The following XKR7 variants were observed in gnomAD, a reference collection of about 807,000 sequenced individuals.
XKR7 encodes the protein XK related 7.
XKR7 carries 11 observed loss-of-function variants against 42.2 expected under a neutral mutation model. That is an observed-to-expected ratio of 0.26 (90% CI 0.16 to 0.43). The LOEUF (loss-of-function observed/expected upper bound fraction) is 0.43, where lower values mean the gene tolerates loss of function less well. XKR7 is among the 20% of genes least tolerant of loss of function. The probability of loss-of-function intolerance (pLI) is 1.00; values close to 1 mark genes in which losing one functional copy is unlikely to be tolerated. For synonymous variants in XKR7, 346 were observed against 366.4 expected (o/e 0.94, Z 0.64); for missense variants, 710 against 802.2 (o/e 0.89, Z 1.39).
rs779042887 is a variant in XKR7, at chr20:31,997,193, TGCA to T, written c.1478_1480del (p.Ala493del). The T allele has an allele frequency of 9.9e-6, 16 of 1,609,938 alleles. No individual in the cohort carries two copies. The highest frequency in any genetic ancestry group is 1.4e-5 in the Non-Finnish European group (16 of 1,179,878). On this transcript the variant is annotated inframe_deletion, in exon 3 of 3. Transcript: ENST00000562532. Reference sequence around the variant, plus strand: ...GGGATGGGGCCTCGGCGGGAGAGCGTGCAGGGACCCCCACCCCACCTGTCTTCC... The same window carrying T: ...GGGATGGGGCCTCGGCGGGAGAGCGTGGGACCCCCACCCCACCTGTCTTCC...
chr20:31,992,391 A>C (rs1421112645), intron 1 of XKR7, among the ~76,000 whole-genome samples: 3 of 152,190 alleles, frequency 2.0e-5, no homozygotes, highest in Non-Finnish European at 4.4e-5. Context: ...ATTTCTGCTT[A>C]TCAGAAGAAA....
intron 2 of XKR7, among the ~76,000 whole-genome samples, chr20:31,996,194 T>G (rs2064590422): frequency 6.9e-6 from 1 of 145,890 alleles, no homozygotes; most frequent in African/African-American, 2.5e-5. Flanking sequence ...TTTCCCACCC[T>G]CCCACCAAGA....
intron 1 of XKR7, among the ~76,000 whole-genome samples, chr20:31,988,195 G>A (rs1429608705): frequency 6.6e-6 from 1 of 152,154 alleles, no homozygotes; most frequent in Non-Finnish European, 1.5e-5. Flanking sequence ...GGAGAGAGAT[G>A]GGGTGATGCA....
In XKR7 at chr20:31,996,761, G is replaced by C. The variant is rs942250888; in HGVS notation, c.1044G>C (p.Thr348=). ...VMTFWVIQGE[T]DFCMSKWEEI... ...CCTTCTGGGTCATCCAAGGGGAGACGGACTTCTGCATGTCCAAGTGGGAGG... is the reference window on the plus strand; with the variant it reads ...CCTTCTGGGTCATCCAAGGGGAGACCGACTTCTGCATGTCCAAGTGGGAGG... Residue 348 remains threonine, a synonymous_variant, in exon 3 of 3, where the codon ACG becomes ACC. Coordinates refer to ENST00000562532, the MANE Select transcript of XKR7 (RefSeq NM_001011718.2). 6.2e-7 allele frequency: 1 copy of C among 1,613,914 alleles called. No individual in the cohort carries two copies. Among genetic ancestry groups the C allele is most frequent in the African/African-American group, 1.3e-5 (1 of 74,890 alleles).
intron 1 of XKR7, among the ~76,000 whole-genome samples, chr20:31,988,949 A>G (rs1240645279): frequency 6.6e-6 from 1 of 152,166 alleles, no homozygotes; most frequent in African/African-American, 2.4e-5. Flanking sequence ...GTGCCTACTC[A>G]ATAATGCATC....
intron 2 of XKR7, among the ~76,000 whole-genome samples, chr20:31,996,285 C>G (rs1170348672): frequency 6.6e-6 from 1 of 151,962 alleles, no homozygotes; most frequent in African/African-American, 2.4e-5. Context: ...TGCTCCCACC[C>G]TACAGAAGTA....
chr20:31,985,204 T>C (rs1373490182), intron 1 of XKR7, among the ~76,000 whole-genome samples: 1 of 152,078 alleles, frequency 6.6e-6, no homozygotes. Flanking sequence ...GTTCACTCTG[T>C]AGGGATCTGC....
At chr20:31,985,348 G>A (rs999256774) in intron 1 of XKR7, among the ~76,000 whole-genome samples, 1 of 152,142 alleles carries the variant, frequency 6.6e-6, no homozygotes, top group Non-Finnish European at 1.5e-5. Flanking sequence ...GGAGGGGCGA[G>A]AACACACACT....
chr20:31,995,972 C>T lies in XKR7; in HGVS notation c.788-533C>T, dbSNP rs544788060. ...CCTCATGGCCCTGGGGACCCCTTGC[C>T]CAGTTACGGGGTCCCAATCACAACG... is the stretch of plus-strand genomic sequence containing the variant. On this transcript the variant is annotated intron_variant, in intron 2 of 2. Transcript: ENST00000562532. This position sits in a 1 kb window ranked among gnomAD's most constrained non-coding sequence, Gnocchi z 4.1. Among the ~76,000 whole-genome samples the T allele has an allele frequency of 2.0e-5, 3 of 152,162 alleles. No individual in the cohort carries two copies. The highest frequency in any genetic ancestry group is 7.2e-5 in the African/African-American group (3 of 41,508).
At position 31,968,368 on chromosome 20, in the gene XKR7, C is replaced by T. The variant is rs2064445511; in HGVS notation, c.193C>T (p.Leu65Phe). Residue 65 changes from leucine to phenylalanine, a missense_variant, in exon 1 of 3, where the codon CTC becomes TTC. This residue lies in a region of XKR7 where 708 missense variants were observed against 786.2 expected (regional missense o/e 0.90). Coordinates refer to ENST00000562532, the MANE Select transcript of XKR7 (RefSeq NM_001011718.2). The surrounding 1 kb of genome is among the most constrained non-coding windows in gnomAD (Gnocchi z 4.5). ...CTGCTGCTGGGTGCTGTGCGCGCTG[C>T]TCGTGTTCTTCTCCGACGGTGCCAC... ...RDCCWVLCAL[L>F]VFFSDGATDL... is the part of the protein sequence containing the mutation. 3.1e-6 allele frequency: 5 copies of T among 1,611,498 alleles called. No homozygotes were observed. Among genetic ancestry groups the T allele is most frequent in the African/African-American group, 2.7e-5 (2 of 74,856 alleles).
chr20:31,985,781 CACAGACAG>C (rs34231055), intron 1 of XKR7, among the ~76,000 whole-genome samples: 217 of 112,700 alleles, frequency 1.9e-3, no homozygotes, highest in Non-Finnish European at 3.1e-3. Context: ...GCATCCAAGA[CACAGACAG>C]ACAGACAGAC....
intron 1 of XKR7, among the ~76,000 whole-genome samples, chr20:31,982,086 T>C (rs114079812): frequency 2.8e-3 from 424 of 152,340 alleles, no homozygotes; most frequent in African/African-American, 8.9e-3. Context: ...AACATGCTTG[T>C]TGTTACATGT....
rs2064593458 is a variant in XKR7 at position 31,996,651 on chromosome 20, G to A, written c.934G>A (p.Ala312Thr). ...GCTGTGGCACCTGTTCAGCATTGCC[G>A]CCCGCGGCCTGGCCTTCGCGCTCTT... Reference protein sequence around the residue: ...QVLWHLFSIAARGLAFALFAS... With the variant: ...QVLWHLFSIATRGLAFALFAS... Residue 312 changes from alanine to threonine, a missense_variant, in exon 3 of 3, where the codon GCC becomes ACC. This residue lies in a region of XKR7 where 708 missense variants were observed against 786.2 expected (regional missense o/e 0.90). Coordinates refer to ENST00000562532, the MANE Select transcript of XKR7 (RefSeq NM_001011718.2). The A allele has an allele frequency of 3.8e-6, 6 of 1,594,054 alleles. No homozygotes were observed. In the East Asian group the frequency reaches 1.1e-4, roughly 30 times the overall value.
intron 2 of XKR7, 42 bp from the exon 3 acceptor site, chr20:31,996,458 AGCCCG>A: frequency 5.6e-6 from 1 of 178,422 alleles, no homozygotes; most frequent in Non-Finnish European, 1.0e-5. Context: ...CCCCAACCCG[AGCCCG>A]CCCCTAACCC....
intron 1 of XKR7, among the ~76,000 whole-genome samples, chr20:31,990,123 T>C (rs2064563252): frequency 6.6e-6 from 1 of 152,176 alleles, no homozygotes; most frequent in Non-Finnish European, 1.5e-5. Context: ...GCCCAGTGTA[T>C]GCTACTCCCT....
rs1040789039 is a variant in XKR7, at chr20:31,995,045, T to A, written c.585-23T>A. 6.5e-7 allele frequency: 1 copy of A among 1,540,548 alleles called. No individual in the cohort carries two copies. Among genetic ancestry groups the A allele is most frequent in the African/African-American group, 1.4e-5 (1 of 72,426 alleles). ...CGAGAGGAACCAGCGCGCGGGAGCC[T>A]GAGCACCGCGTCCTTCCCGCAGGTA... On this transcript the variant is annotated intron_variant, in intron 1 of 2. Coordinates refer to ENST00000562532, the MANE Select transcript of XKR7 (RefSeq NM_001011718.2). The surrounding 1 kb of genome is among the most constrained non-coding windows in gnomAD (Gnocchi z 4.1).
intron 1 of XKR7, among the ~76,000 whole-genome samples, chr20:31,993,206 C>T (rs541329795): frequency 1.1e-4 from 16 of 151,996 alleles, no homozygotes; most frequent in African/African-American, 1.4e-4. Context: ...GTGCCTGCCC[C>T]GTGAATCAGA....
chr20:31,990,294 G>T (rs2064564528), intron 1 of XKR7, among the ~76,000 whole-genome samples: 1 of 151,974 alleles, frequency 6.6e-6, no homozygotes, highest in Non-Finnish European at 1.5e-5. Context: ...GCCTCCCAAA[G>T]TGTTGGGATT....
chr20:31,973,134 C>T (rs548810991), intron 1 of XKR7, among the ~76,000 whole-genome samples: 1 of 152,312 alleles, frequency 6.6e-6, no homozygotes, highest in South Asian at 2.1e-4. Flanking sequence ...CTCATTCCAT[C>T]GTTAAATGCT....
Sources: allele counts gnomAD v4.1 joint callset (sites outside exome capture counted in the v4.1 genomes callset), GRCh38; gene constraint gnomAD v4.1.1; regional missense constraint gnomAD v4.1.1; non-coding constraint Gnocchi (gnomAD v3.1); transcripts MANE v1.5; gene names NCBI Gene and HGNC (gene_info 2026-07-23, HGNC 2026-07-21).